Variants in COL22A1 observed in about 807,000 individuals in gnomAD.
The protein encoded by COL22A1 is collagen type XXII alpha 1 chain, also known as collagen alpha-1(XXII) chain.
Under a neutral mutation model 248.9 loss-of-function variants are expected in COL22A1, and 221 were observed. The ratio of observed to expected loss-of-function variants is 0.89; its 90% confidence interval spans 0.80 to 0.99. COL22A1 has a LOEUF of 0.99. COL22A1 is among the 50% of genes least tolerant of loss of function. The probability of loss-of-function intolerance (pLI) is 0.00; values close to 1 mark genes in which losing one functional copy is unlikely to be tolerated. For missense variants in COL22A1, 2,240 were observed against 2,179.0 expected (o/e 1.03, Z -0.56); for synonymous variants, 891 against 793.4 (o/e 1.12, Z -2.07).
At chr8:138,630,369 C>T (rs866660172) in intron 50 of COL22A1, among the ~76,000 whole-genome samples, 4 of 152,214 alleles carry the variant, frequency 2.6e-5, no homozygotes, top group South Asian at 4.1e-4. Flanking sequence ...CCTGCACCTG[C>T]TCAATATAGA....
rs1350209327 is a variant in COL22A1, at chr8:138,685,096, C to A, written c.2967+112G>T. The stretch of plus-strand genomic sequence containing the variant: ...ACCCCTTTCCCAACCAGGCCCATTT[C>A]ATTGGCCACGGTTCAATTTCTGCAA... On this transcript the variant is annotated intron_variant, in intron 38 of 64. Coordinates refer to ENST00000303045, the MANE Select transcript of COL22A1 (RefSeq NM_152888.3). 8 of 781,746 alleles carry A rather than the reference C, an allele frequency of 1.0e-5. No homozygotes were observed. The African/African-American group carries it at 1.4e-4, about 14-fold the overall frequency. 48.4% of individuals were successfully genotyped at this position (781,746 alleles called of 1,614,324 possible).
intron 30 of COL22A1, among the ~76,000 whole-genome samples, chr8:138,711,151 C>T (rs1021522368): frequency 6.6e-6 from 1 of 152,142 alleles, no homozygotes; most frequent in South Asian, 2.1e-4. Flanking sequence ...GTTGATGCAA[C>T]AGGCCTGGGT....
At chr8:138,852,243 G>C (rs1821698990) in intron 3 of COL22A1, among the ~76,000 whole-genome samples, 1 of 152,130 alleles carries the variant, frequency 6.6e-6, no homozygotes, top group South Asian at 2.1e-4. Flanking sequence ...GACAGGGAAA[G>C]GGTGGAGGCA....
intron 1 of COL22A1, among the ~76,000 whole-genome samples, chr8:138,911,745 T>C (rs547878871): frequency 4.6e-5 from 7 of 152,342 alleles, no homozygotes; most frequent in Admixed American, 2.0e-4. Flanking sequence ...ATTTACTTAA[T>C]CATTTTGTAG....
chr8:138,867,673 G>T (rs1052675608), intron 3 of COL22A1, among the ~76,000 whole-genome samples: 8 of 152,194 alleles, frequency 5.3e-5, no homozygotes, highest in Admixed American at 5.2e-4. Context: ...CCTGTGATTT[G>T]CACTGACTGT....
rs548977412 is a variant in COL22A1 at position 138,617,108 on chromosome 8, C to T, written c.3826-150G>A. ...ACTGAGCCCTACTTGGTGCCATGCT[C>T]GGTGCCAGAGGTTTGACAACTGGAT... On this transcript the variant is annotated intron_variant, in intron 53 of 64. Coordinates refer to ENST00000303045, the MANE Select transcript of COL22A1 (RefSeq NM_152888.3). 36 of 790,336 alleles carry T rather than the reference C, an allele frequency of 4.6e-5. 1 individual carries two copies. Among genetic ancestry groups the T allele is most frequent in the Middle Eastern group, 5.9e-4 (2 of 3,406 alleles). The allele number at this position is 790,336 out of a possible 1,614,324, so 49.0% of individuals were successfully genotyped here.
At chr8:138,695,309 C>T (rs930175938) in intron 32 of COL22A1, among the ~76,000 whole-genome samples, 7 of 152,196 alleles carry the variant, frequency 4.6e-5, no homozygotes, top group African/African-American at 1.7e-4. Flanking sequence ...TTAAGGGCCC[C>T]TGGCCCAAAC....
chr8:138,862,042 AAAAAAGAAAAAAAG>A (rs1822518933), intron 3 of COL22A1, among the ~76,000 whole-genome samples: 1 of 147,406 alleles, frequency 6.8e-6, no homozygotes, highest in Non-Finnish European at 1.5e-5. Context: ...AAAAAAAAAA[AAAAAAGAAAAAAAG>A]AAAAAAAGAA....
chr8:138,664,086 C>T (rs1277888515), intron 41 of COL22A1, among the ~76,000 whole-genome samples: 1 of 151,574 alleles, frequency 6.6e-6, no homozygotes. Context: ...TGGAGATGCA[C>T]TGGCTCTTTC....
Position 138,646,675 on chromosome 8 carries a change from G to C in COL22A1, c.3455C>G (p.Ala1152Gly). Residue 1152 changes from alanine (A) to glycine (G), a missense_variant, in exon 47 of 65, where the codon GCT becomes GGT. Coordinates refer to ENST00000303045, the MANE Select transcript of COL22A1 (RefSeq NM_152888.3). ...GGGCCCTGGTAGGCCTGGAGGCCCA[G>C]CCTCTCCCTGTATCAGGGATACAAG... ...REGTEGKKGE[A>G]GPPGLPGPPG... 1 of 1,578,844 alleles carries C rather than the reference G, an allele frequency of 6.3e-7. No individual in the cohort carries two copies. Among genetic ancestry groups the C allele is most frequent in the Non-Finnish European group, 8.6e-7 (1 of 1,161,738 alleles).
At chr8:138,824,539 C>T (rs1426615066) in intron 6 of COL22A1, among the ~76,000 whole-genome samples, 1 of 152,232 alleles carries the variant, frequency 6.6e-6, no homozygotes, top group East Asian at 1.9e-4. Context: ...AGTCCCTAGA[C>T]TGGCCTACAA....
At chr8:138,662,434 GCC>G (rs1824048632) in intron 42 of COL22A1, among the ~76,000 whole-genome samples, 1 of 152,110 alleles carries the variant, frequency 6.6e-6, no homozygotes. Flanking sequence ...TGGATAACCA[GCC>G]CCGAGAGCTC....
chr8:138,676,478 G>GGAAGAAAGAAAGAAAGA, intron 41 of COL22A1, 80 bp downstream of exon 41: 5 of 397,788 alleles, frequency 1.3e-5, no homozygotes, highest in South Asian at 4.7e-5. Context: ...AGAAAGAAAA[G>GGAAGAAAGAAAGAAAGA]AGTGTTTCTG....
chr8:138,640,929 A>G (rs1452934027), intron 47 of COL22A1, among the ~76,000 whole-genome samples: 4 of 152,202 alleles, frequency 2.6e-5, no homozygotes, highest in Admixed American at 2.6e-4. Context: ...ACTGGCTTCC[A>G]AAGCCCAGGC....
chr8:138,819,688 G>A (rs915521653), intron 7 of COL22A1, among the ~76,000 whole-genome samples: 1 of 147,234 alleles, frequency 6.8e-6, no homozygotes, highest in Non-Finnish European at 1.5e-5. Flanking sequence ...TGTCTATAAT[G>A]TATGTATATG....
At chr8:138,717,917 A>G (rs1404724034) in intron 27 of COL22A1, among the ~76,000 whole-genome samples, 4 of 152,240 alleles carry the variant, frequency 2.6e-5, no homozygotes, top group Admixed American at 2.0e-4. Context: ...TTCTTGAATG[A>G]CAATGTATTT....
At chr8:138,742,080 T>C (rs1176519780) in intron 22 of COL22A1, among the ~76,000 whole-genome samples, 1 of 151,170 alleles carries the variant, frequency 6.6e-6, no homozygotes, top group African/African-American at 2.4e-5. Context: ...GTGATGGTGA[T>C]GATGGTGATG....
At chr8:138,732,370 G>C (rs1830774654) in intron 23 of COL22A1, among the ~76,000 whole-genome samples, 1 of 152,226 alleles carries the variant, frequency 6.6e-6, no homozygotes, top group African/African-American at 2.4e-5. Flanking sequence ...ATTTACGTAA[G>C]AAAAATCTGG....
intron 55 of COL22A1, 120 bp from the exon 56 acceptor site, chr8:138,614,040 A>G: frequency 2.6e-6 from 2 of 775,604 alleles, no homozygotes; most frequent in Middle Eastern, 3.3e-4. Flanking sequence ...CAAATTGTCC[A>G]GCATGTTTCA....
Sources: allele counts gnomAD v4.1 joint callset (sites outside exome capture counted in the v4.1 genomes callset), GRCh38; gene constraint gnomAD v4.1.1; transcripts MANE v1.5; gene names NCBI Gene and HGNC (gene_info 2026-07-23, HGNC 2026-07-21).